The following CYP4V2 variants were observed in gnomAD, a reference collection of about 807,000 sequenced individuals.
CYP4V2 encodes the protein cytochrome P450 family 4 subfamily V member 2.
CYP4V2 carries 55 observed loss-of-function variants against 60.8 expected under a neutral mutation model. The ratio of observed to expected loss-of-function variants is 0.90; its 90% CI spans 0.73 to 1.13. CYP4V2 has a LOEUF of 1.13. CYP4V2 is among the 50% of genes most tolerant of loss of function. CYP4V2 has a pLI of 0.00. For synonymous variants in CYP4V2, 239 were observed against 236.8 expected, an observed-to-expected ratio of 1.01 and a Z score of -0.08; for missense variants, 675 against 662.9, an observed-to-expected ratio of 1.02 and a Z score of -0.20.
At position 186,210,524 on chromosome 4, in the gene CYP4V2, C is replaced by T; in HGVS notation, c.1461C>T (p.His487=). The change falls in exon 11 of 11, where the codon CAC becomes CAT. Residue 487 remains histidine (H), a synonymous_variant. Transcript: ENST00000378802. ...EKTILSCILR[H]FWIESNQKRE... is the part of the protein sequence containing the mutation. ...CCATTCTTTCGTGCATCCTGAGGCA[C>T]TTTTGGATAGAATCCAACCAGAAAA... 6.2e-7 allele frequency: 1 copy of T among 1,614,180 alleles called. No homozygotes were observed. The highest frequency in any genetic ancestry group is 8.5e-7 in the Non-Finnish European group (1 of 1,180,020).
intron 5 of CYP4V2, among the ~76,000 whole-genome samples, chr4:186,198,696 A>G (rs1736224308): frequency 6.6e-6 from 1 of 152,224 alleles, no homozygotes; most frequent in African/African-American, 2.4e-5. Context: ...AAGCAGAAGC[A>G]GAGACCAAAT....
At chr4:186,204,443 A>G in intron 7 of CYP4V2, 1 of 220,548 alleles carries the variant, frequency 4.5e-6, no homozygotes. Context: ...GTGGAGGTGG[A>G]GACGTTACGC....
At position 186,210,712 on chromosome 4, in the gene CYP4V2, TA is replaced by T; in HGVS notation, c.*72del. The T allele has an allele frequency of 1.9e-6, 3 of 1,589,262 alleles. No homozygotes were observed. The South Asian group carries it at 3.4e-5, about 18-fold the overall frequency. On this transcript the variant is annotated 3_prime_UTR_variant, in exon 11 of 11. Transcript: ENST00000378802. Reference sequence around the variant, plus strand: ...TAAGAGATCCTTGTCATTTACAATTTACAGATCATGAGTTCAATATGCTTGA... The same window carrying T: ...TAAGAGATCCTTGTCATTTACAATTTCAGATCATGAGTTCAATATGCTTGA...
Position 186,196,710 on chromosome 4 carries a change from A to G in CYP4V2, c.414-230A>G, listed in dbSNP as rs1579963847. The G allele has an allele frequency of 2.8e-5, 15 of 533,206 alleles. No homozygotes were observed. In the East Asian group the frequency reaches 4.4e-4, roughly 16 times the overall value. The allele number at this position is 533,206 out of a possible 1,614,324, so 33.0% of individuals were successfully genotyped here. A position where few individuals can be genotyped will look rare whatever the true frequency, so the allele number is the denominator to read the frequency against. On this transcript the variant is annotated intron_variant, in intron 3 of 10. Transcript: ENST00000378802. ...TATGAATGCTATTTTAAACATGTAT[A>G]GAACAATGTCCAAAATACTCATATT...
Position 186,196,085 on chromosome 4 carries a change from C to T in CYP4V2, c.410C>T (p.Thr137Ile), listed in dbSNP as rs1471042715. Reference sequence around the variant, plus strand: ...CCATGGCTTGGCCTAGGACTTCTTACAAGGTATGCCAGTGTACCTTTGTAA... The same window carrying T: ...CCATGGCTTGGCCTAGGACTTCTTATAAGGTATGCCAGTGTACCTTTGTAA... ...LEPWLGLGLL[T>I]STGNKWRSRR... The change falls in exon 3 of 11, where the codon ACA becomes ATA. Residue 137 changes from threonine (T) to isoleucine (I), a missense_variant. Thr to Ile is a moderately conservative substitution (Grantham distance 89). Transcript: ENST00000378802. The T allele has an allele frequency of 3.7e-6, 6 of 1,611,624 alleles. No homozygotes were observed. The highest frequency in any genetic ancestry group is 1.3e-5 in the African/African-American group (1 of 74,874).
At chr4:186,209,059 C>G (rs763261118) in intron 9 of CYP4V2, 34 bp from the exon 10 acceptor site, 2 of 1,614,136 alleles carry the variant, frequency 1.2e-6, no homozygotes, top group East Asian at 2.2e-5. Flanking sequence ...CTACCTTGCT[C>G]CGGTCTCATA....
chr4:186,209,402 T>G, intron 10 of CYP4V2, 130 bp downstream of exon 10: 1 of 1,160,778 alleles, frequency 8.6e-7, no homozygotes, highest in Non-Finnish European at 1.3e-6. Flanking sequence ...AGGTGGTTTC[T>G]TTTTTCCCTC....
intron 8 of CYP4V2, among the ~76,000 whole-genome samples, chr4:186,208,040 C>T (rs1044738384): frequency 1.3e-5 from 2 of 150,692 alleles, no homozygotes; most frequent in African/African-American, 4.9e-5. Flanking sequence ...TTTAGCATCC[C>T]CTGCCTTGAT....
At chr4:186,210,337 C>G in intron 10 of CYP4V2, 132 bp from the exon 11 acceptor site, 1 of 1,122,616 alleles carries the variant, frequency 8.9e-7, no homozygotes, top group Non-Finnish European at 1.3e-6. Context: ...AACAGGTGTT[C>G]CAAGCCATTC....
chr4:186,200,877 T>A (rs1736285863), intron 6 of CYP4V2, among the ~76,000 whole-genome samples: 1 of 152,156 alleles, frequency 6.6e-6, no homozygotes, highest in Non-Finnish European at 1.5e-5. Context: ...TACTATCTAG[T>A]AGACTATGAT....
rs1297075601 is a variant in CYP4V2 at position 186,210,807 on chromosome 4, G to C, written c.*166G>C. Reference sequence around the variant, plus strand: ...TCAAGTCTAACAAAGAAAAAGTTTTGAGTTTTGTATTTTCTTTTTTCTTTT... The same window carrying C: ...TCAAGTCTAACAAAGAAAAAGTTTTCAGTTTTGTATTTTCTTTTTTCTTTT... On this transcript the variant is annotated 3_prime_UTR_variant, in exon 11 of 11. Transcript: ENST00000378802. The C allele has an allele frequency of 3.7e-6, 3 of 811,520 alleles. No homozygotes were observed. Among genetic ancestry groups the C allele is most frequent in the Admixed American group, 2.9e-5 (1 of 34,336 alleles). The allele number at this position is 811,520 out of a possible 1,614,324, so 50.3% of individuals were successfully genotyped here.
chr4:186,206,101 G>T (rs1736492231), intron 8 of CYP4V2, among the ~76,000 whole-genome samples: 1 of 152,196 alleles, frequency 6.6e-6, no homozygotes, highest in South Asian at 2.1e-4. Context: ...GCTTCCGGTG[G>T]CTGCCAGCAT....
chr4:186,202,529 T>C (rs1351847877), intron 7 of CYP4V2: 1 of 152,154 alleles, frequency 6.6e-6, no homozygotes, highest in Non-Finnish European at 1.5e-5. Flanking sequence ...GGTGTTATTA[T>C]TGCATGTCGG....
At position 186,210,892 on chromosome 4, in the gene CYP4V2, A is replaced by G. The variant is rs897630846; in HGVS notation, c.*251A>G. 1.1e-4 allele frequency: 44 copies of G among 413,796 alleles called. No homozygotes were observed. Among genetic ancestry groups the G allele is most frequent in the Non-Finnish European group, 1.8e-4 (42 of 227,624 alleles). 25.6% of individuals were successfully genotyped at this position (413,796 alleles called of 1,614,324 possible). ...TCTGTCGCCCAGGCTGGAGGAGTGC[A>G]GTGGTGTGATCTCAGCTCACTGCAA... On this transcript the variant is annotated 3_prime_UTR_variant, in exon 11 of 11. Coordinates refer to ENST00000378802, the MANE Select transcript of CYP4V2 (RefSeq NM_207352.4).
chr4:186,209,327 C>T, intron 10 of CYP4V2, 55 bp downstream of exon 10: 8 of 1,605,052 alleles, frequency 5.0e-6, no homozygotes, highest in Non-Finnish European at 6.0e-6. Flanking sequence ...TGGTGGGTTT[C>T]TCACAGTGAT....
intron 8 of CYP4V2, 40 bp from the exon 9 acceptor site, chr4:186,208,825 A>C: frequency 1.4e-5 from 22 of 1,614,092 alleles, no homozygotes; most frequent in Non-Finnish European, 1.9e-5. Flanking sequence ...CCCAGCCCCC[A>C]CTGCTCTTTC....
chr4:186,211,822 C>T lies in CYP4V2; in HGVS notation c.*1181C>T, dbSNP rs1299443666. On this transcript the variant is annotated 3_prime_UTR_variant, in exon 11 of 11. Coordinates refer to ENST00000378802, the MANE Select transcript of CYP4V2 (RefSeq NM_207352.4). ...TTATAGTACTTTTCAGATTTTATAA[C>T]CTGGAGCAGATTATTTTAAGTTGAT... 1 of 152,134 alleles carries T rather than the reference C, an allele frequency of 6.6e-6. No homozygotes were observed. Among genetic ancestry groups the T allele is most frequent in the African/African-American group, 2.4e-5 (1 of 41,434 alleles). 9.4% of individuals were successfully genotyped at this position (152,134 alleles called of 1,614,324 possible).
Position 186,195,819 on chromosome 4 carries a change from T to G in CYP4V2, c.328-184T>G, listed in dbSNP as rs1170467947. On this transcript the variant is annotated intron_variant, in intron 2 of 10. Transcript: ENST00000378802. The surrounding 1 kb of genome is among the most constrained non-coding windows in gnomAD (Gnocchi z 4.1). ...ACTCCATTGAGTCCCCAAGACTGAATGCCAGTTTTATGTTCAAAACTCTAA... is the reference window on the plus strand; with the variant it reads ...ACTCCATTGAGTCCCCAAGACTGAAGGCCAGTTTTATGTTCAAAACTCTAA... Among the ~76,000 whole-genome samples the G allele has an allele frequency of 6.6e-6, 1 of 152,192 alleles. No individual in the cohort carries two copies. Among genetic ancestry groups the G allele is most frequent in the Non-Finnish European group, 1.5e-5 (1 of 68,038 alleles).
chr4:186,206,005 A>G (rs996735537), intron 8 of CYP4V2, among the ~76,000 whole-genome samples: 8 of 152,166 alleles, frequency 5.3e-5, no homozygotes, highest in African/African-American at 1.9e-4. Context: ...TGGACACCCG[A>G]GTCAAAGATC....
Sources: allele counts gnomAD v4.1 joint callset (sites outside exome capture counted in the v4.1 genomes callset), GRCh38; gene constraint gnomAD v4.1.1; non-coding constraint Gnocchi (gnomAD v3.1); transcripts MANE v1.5; gene names NCBI Gene and HGNC (gene_info 2026-07-23, HGNC 2026-07-21).